The following NSMCE2 variants were observed in gnomAD, a reference collection of about 807,000 sequenced individuals.
The protein encoded by NSMCE2 is NSE2 SUMO ligase component of SMC5/6 complex, also known as E3 SUMO-protein ligase NSE2.
A neutral mutation model predicts 23.8 loss-of-function variants in NSMCE2; 24 were observed. The observed-to-expected ratio is 1.01, with a 90% CI of 0.73 to 1.42. The LOEUF (loss-of-function observed/expected upper bound fraction) is 1.42, where lower values mean the gene tolerates loss of function less well. Ranked by LOEUF, NSMCE2 falls within the 40% of genes most tolerant of loss-of-function variation. The probability of loss-of-function intolerance (pLI) is 0.00; values close to 1 mark genes in which losing one functional copy is unlikely to be tolerated. For synonymous variants in NSMCE2, 92 were observed against 94.1 expected, an observed-to-expected ratio of 0.98 and a Z score of 0.13; for missense variants, 284 against 296.5, an observed-to-expected ratio of 0.96 and a Z score of 0.31.
At chr8:125,257,572 C>A (rs1324811986) in intron 5 of NSMCE2, among the ~76,000 whole-genome samples, 1 of 137,778 alleles carries the variant, frequency 7.3e-6, no homozygotes, top group African/African-American at 2.6e-5. Context: ...CTCGCTCTGT[C>A]GCCCAGGCTG....
At chr8:125,159,136 A>C (rs988072186) in intron 4 of NSMCE2, among the ~76,000 whole-genome samples, 1 of 152,242 alleles carries the variant, frequency 6.6e-6, no homozygotes. Flanking sequence ...AGACATTTTG[A>C]GAGCAAGAAA....
chr8:125,107,691 AAAAG>A (rs1208221895), intron 3 of NSMCE2, among the ~76,000 whole-genome samples: 4 of 152,196 alleles, frequency 2.6e-5, no homozygotes, highest in Non-Finnish European at 5.9e-5. Context: ...CAAATGTTAA[AAAAG>A]AAAAAGAAAA....
chr8:125,295,485 G>A (rs1319163892), intron 5 of NSMCE2, among the ~76,000 whole-genome samples: 1 of 152,186 alleles, frequency 6.6e-6, no homozygotes, highest in Non-Finnish European at 1.5e-5. Context: ...CTTAACAGTA[G>A]AGTGATCATC....
intron 4 of NSMCE2, among the ~76,000 whole-genome samples, chr8:125,154,036 A>G (rs1003351787): frequency 5.3e-5 from 8 of 152,152 alleles, no homozygotes; most frequent in Non-Finnish European, 1.2e-4. Flanking sequence ...GTTTAAAATA[A>G]GATTATTTTT....
At chr8:125,143,414 C>T (rs1334754022) in intron 3 of NSMCE2, among the ~76,000 whole-genome samples, 1 of 152,172 alleles carries the variant, frequency 6.6e-6, no homozygotes, top group Non-Finnish European at 1.5e-5. Flanking sequence ...TACAATCAGG[C>T]AATCCCTTGC....
At chr8:125,200,181 T>C (rs1364307951) in intron 5 of NSMCE2, among the ~76,000 whole-genome samples, 1 of 152,202 alleles carries the variant, frequency 6.6e-6, no homozygotes, top group African/African-American at 2.4e-5. Flanking sequence ...ATATTTAAGG[T>C]TAATATTGTT....
In NSMCE2 at chr8:125,123,132, A is replaced by T. The variant is rs544244645; in HGVS notation, c.157+20645A>T. On this transcript the variant is annotated intron_variant, in intron 3 of 7. Coordinates refer to ENST00000287437, the MANE Select transcript of NSMCE2 (RefSeq NM_173685.4). ...ATGGTTCTTGCAAATATATATATAT[A>T]TTTTTCTGGCCAACTCATTAAATGA... Among the ~76,000 whole-genome samples the T allele has an allele frequency of 1.2e-4, 19 of 152,250 alleles. No homozygotes were observed. In the South Asian group the frequency reaches 2.3e-3, roughly 18 times the overall value.
intron 3 of NSMCE2, among the ~76,000 whole-genome samples, chr8:125,143,628 G>T (rs1475238938): frequency 1.3e-5 from 2 of 152,176 alleles, no homozygotes; most frequent in Non-Finnish European, 2.9e-5. Context: ...ATAATTGGTG[G>T]TGTTCCTGTT....
chr8:125,344,108 G>A lies in NSMCE2; in HGVS notation c.419-13111G>A, dbSNP rs190447062. ...AGCCCCATCTTACCCAAATTGAAAT[G>A]TTGCAGTTTTAAAGTTGAGCAATTG... On this transcript the variant is annotated intron_variant, in intron 5 of 7. Transcript: ENST00000287437. Among the ~76,000 whole-genome samples the A allele has an allele frequency of 1.9e-3, 289 of 152,324 alleles. 2 individuals are homozygous for A. Among genetic ancestry groups the A allele is most frequent in the Non-Finnish European group, 3.2e-3 (221 of 68,020 alleles).
At chr8:125,312,242 A>G (rs1406395425) in intron 5 of NSMCE2, among the ~76,000 whole-genome samples, 3 of 152,342 alleles carry the variant, frequency 2.0e-5, no homozygotes, top group East Asian at 1.9e-4. Context: ...GCTAAACTGA[A>G]ATAGAAACAT....
At chr8:125,180,524 A>G (rs1018033731) in intron 4 of NSMCE2, among the ~76,000 whole-genome samples, 4 of 152,260 alleles carry the variant, frequency 2.6e-5, no homozygotes, top group Non-Finnish European at 5.9e-5. Flanking sequence ...TAAAGCATAT[A>G]CTTTGCAGAT....
chr8:125,225,663 A>G (rs1825061432), intron 5 of NSMCE2, among the ~76,000 whole-genome samples: 1 of 152,198 alleles, frequency 6.6e-6, no homozygotes. Context: ...TTATTCAGGA[A>G]GGTATTGCCT....
At chr8:125,347,949 T>C (rs1447324672) in intron 5 of NSMCE2, among the ~76,000 whole-genome samples, 3 of 152,180 alleles carry the variant, frequency 2.0e-5, no homozygotes, top group Non-Finnish European at 4.4e-5. Context: ...GTTTAGAAAA[T>C]GTACGCTGAA....
At chr8:125,331,774 C>T (rs879825531) in intron 5 of NSMCE2, among the ~76,000 whole-genome samples, 2 of 152,126 alleles carry the variant, frequency 1.3e-5, no homozygotes, top group East Asian at 1.9e-4. Flanking sequence ...TTTCAGTCAA[C>T]GGTAAAGTTT....
At chr8:125,094,557 A>C (rs1414407591) in intron 1 of NSMCE2, 1 of 152,350 alleles carries the variant, frequency 6.6e-6, no homozygotes, top group East Asian at 1.9e-4. Flanking sequence ...TCAAACAAAT[A>C]GTGACAGCTA....
intron 4 of NSMCE2, among the ~76,000 whole-genome samples, chr8:125,162,194 G>A (rs117322553): frequency 9.2e-4 from 140 of 152,254 alleles, no homozygotes; most frequent in Admixed American, 2.7e-3. Flanking sequence ...TTGAAAAGCT[G>A]CAGCAATACT....
At chr8:125,214,046 TAAAC>T (rs147206566) in intron 5 of NSMCE2, among the ~76,000 whole-genome samples, 194 of 152,352 alleles carry the variant, frequency 1.3e-3, no homozygotes, top group African/African-American at 4.5e-3. Flanking sequence ...CAGTTTACAT[TAAAC>T]AAATAACTTT....
intron 3 of NSMCE2, among the ~76,000 whole-genome samples, chr8:125,147,397 A>G (rs1820749570): frequency 6.6e-6 from 1 of 152,216 alleles, no homozygotes; most frequent in East Asian, 1.9e-4. Flanking sequence ...GATCCTAAGA[A>G]CACTAAGGCA....
rs565593006 is a variant in NSMCE2 at position 125,170,376 on chromosome 8, C to CTTTT, written c.265-11691_265-11688dup. Reference sequence around the variant, plus strand: ...CATCAATAAACCTTACTCTTTATTTCTTTTTTTTTTTTTTTTTTTTTTTTT... The same window carrying CTTTT: ...CATCAATAAACCTTACTCTTTATTTCTTTTTTTTTTTTTTTTTTTTTTTTTTTTT... On this transcript the variant is annotated intron_variant, in intron 4 of 7. Transcript: ENST00000287437. 7.9e-4 allele frequency among the ~76,000 whole-genome samples: 30 copies of CTTTT among 37,864 alleles called. 8 individuals carry two copies. The South Asian group carries it at 8.5e-3, about 11-fold the overall frequency. 24.8% of individuals were successfully genotyped at this position (37,864 alleles called of 152,430 possible). A position where few individuals can be genotyped will look rare whatever the true frequency, so the allele number is the denominator to read the frequency against.
Sources: gnomAD v4.1 joint callset for allele counts (sites outside exome capture counted in the v4.1 genomes callset) on GRCh38, gnomAD v4.1.1 for gene constraint, MANE v1.5 for transcripts, NCBI Gene and HGNC (gene_info 2026-07-23, HGNC 2026-07-21) for gene names.